Variants in LHFPL3 observed in about 807,000 individuals in gnomAD.
The protein encoded by LHFPL3 is LHFPL tetraspan subfamily member 3 protein.
Under a neutral mutation model 19.3 loss-of-function variants are expected in LHFPL3, and 5 were observed. The ratio of observed to expected loss-of-function variants is 0.26; its 90% CI spans 0.14 to 0.54. The LOEUF (loss-of-function observed/expected upper bound fraction) is 0.54. Ranked by LOEUF, LHFPL3 falls within the 20% of genes least tolerant of loss-of-function variation. The probability of loss-of-function intolerance (pLI) is 0.94; values close to 1 mark genes in which losing one functional copy is unlikely to be tolerated. For synonymous variants in LHFPL3, 133 were observed against 126.2 expected (o/e 1.05, Z -0.36); for missense variants, 249 against 307.4 (o/e 0.81, Z 1.42).
chr7:104,899,576 G>A (rs546309638), intron 2 of LHFPL3, among the ~76,000 whole-genome samples: 1 of 152,130 alleles, frequency 6.6e-6, no homozygotes, highest in Admixed American at 6.5e-5. Context: ...AAGCTTAAAG[G>A]AACATGTATG....
chr7:104,371,911 A>G (rs746189542), intron 1 of LHFPL3, among the ~76,000 whole-genome samples: 1 of 152,350 alleles, frequency 6.6e-6, no homozygotes, highest in Non-Finnish European at 1.5e-5. Context: ...TTCACACCAA[A>G]GTCTGGAGCA....
At chr7:104,825,277 G>C in intron 2 of LHFPL3, among the ~76,000 whole-genome samples, 1 of 151,814 alleles carries the variant, frequency 6.6e-6, no homozygotes, top group East Asian at 1.9e-4. Flanking sequence ...GATGGACTGA[G>C]GCACATTTGG....
At chr7:104,627,719 T>C (rs573656428) in intron 1 of LHFPL3, among the ~76,000 whole-genome samples, 6 of 152,270 alleles carry the variant, frequency 3.9e-5, no homozygotes, top group African/African-American at 1.4e-4. Flanking sequence ...TATAACAAAT[T>C]AGTAGAGGTT....
chr7:104,506,747 G>A (rs1445976380), intron 1 of LHFPL3, among the ~76,000 whole-genome samples: 1 of 152,174 alleles, frequency 6.6e-6, no homozygotes, highest in Non-Finnish European at 1.5e-5. Context: ...ACGCAAGGAA[G>A]GTAAAATTTT....
At chr7:104,535,595 A>AAT (rs1277000629) in intron 1 of LHFPL3, among the ~76,000 whole-genome samples, 1 of 152,214 alleles carries the variant, frequency 6.6e-6, no homozygotes, top group African/African-American at 2.4e-5. Context: ...TTATCCCAGC[A>AAT]ATATTGAAAG....
intron 1 of LHFPL3, among the ~76,000 whole-genome samples, chr7:104,400,779 C>G (rs1309910922): frequency 6.6e-6 from 1 of 152,106 alleles, no homozygotes; most frequent in African/African-American, 2.4e-5. Context: ...ATATTTTCAC[C>G]CCAATTGTTA....
chr7:104,890,082 T>A (rs1792215998), intron 2 of LHFPL3, among the ~76,000 whole-genome samples: 1 of 152,158 alleles, frequency 6.6e-6, no homozygotes, highest in Non-Finnish European at 1.5e-5. Flanking sequence ...GAGGATTACT[T>A]GAGGCCAGGA....
intron 1 of LHFPL3, among the ~76,000 whole-genome samples, chr7:104,608,490 C>T (rs1269766490): frequency 1.8e-4 from 18 of 97,298 alleles, no homozygotes; most frequent in South Asian, 3.7e-4. Flanking sequence ...ACTCCGGGGA[C>T]TGTTGTGGGG....
At chr7:104,693,134 G>C (rs77140273) in intron 1 of LHFPL3, among the ~76,000 whole-genome samples, 6,082 of 152,266 alleles carry the variant, frequency 0.04, 182 homozygotes, top group Middle Eastern at 0.068. Flanking sequence ...TTTGCATGGG[G>C]ACTGTAGCCC....
At chr7:104,825,112 A>G (rs1790792162) in intron 2 of LHFPL3, among the ~76,000 whole-genome samples, 1 of 150,906 alleles carries the variant, frequency 6.6e-6, no homozygotes, top group Non-Finnish European at 1.5e-5. Context: ...AGGACCATAT[A>G]AGATCTAACA....
intron 1 of LHFPL3, among the ~76,000 whole-genome samples, chr7:104,467,482 A>G (rs1017219026): frequency 2.0e-5 from 3 of 152,230 alleles, no homozygotes; most frequent in Admixed American, 2.0e-4. Flanking sequence ...TGTGCACTGT[A>G]AAGTTTTGTG....
chr7:104,503,572 ATTTTCT>A (rs1000620597), intron 1 of LHFPL3, among the ~76,000 whole-genome samples: 1 of 151,896 alleles, frequency 6.6e-6, no homozygotes, highest in African/African-American at 2.4e-5. Flanking sequence ...TAATTTTAAT[ATTTTCT>A]TTTTCTTTTG....
intron 1 of LHFPL3, among the ~76,000 whole-genome samples, chr7:104,506,671 C>T (rs1306484003): frequency 6.6e-6 from 1 of 152,192 alleles, no homozygotes; most frequent in Non-Finnish European, 1.5e-5. Flanking sequence ...GCTCTTGGAT[C>T]TTCTGTGATT....
intron 2 of LHFPL3, among the ~76,000 whole-genome samples, chr7:104,815,372 G>A (rs1208828368): frequency 6.6e-6 from 1 of 152,196 alleles, no homozygotes. Context: ...GGGACATGTG[G>A]GGTTTCCAGG....
At chr7:104,862,872 A>G (rs1410690864) in intron 2 of LHFPL3, among the ~76,000 whole-genome samples, 1 of 152,212 alleles carries the variant, frequency 6.6e-6, no homozygotes, top group Non-Finnish European at 1.5e-5. Context: ...GCCGAGTCGG[A>G]GCTGGAAGAA....
chr7:104,345,828 T>C (rs989551436), intron 1 of LHFPL3, among the ~76,000 whole-genome samples: 11 of 152,156 alleles, frequency 7.2e-5, no homozygotes, highest in Non-Finnish European at 1.5e-5. Context: ...GCAATTGCTA[T>C]TGTACTAGTA....
intron 1 of LHFPL3, among the ~76,000 whole-genome samples, chr7:104,541,209 G>A (rs1182127163): frequency 6.6e-6 from 1 of 151,858 alleles, no homozygotes; most frequent in Non-Finnish European, 1.5e-5. Context: ...AAGGCTGAAT[G>A]AGGTGTCCTT....
chr7:104,872,677 G>A (rs951383888), intron 2 of LHFPL3, among the ~76,000 whole-genome samples: 1 of 151,972 alleles, frequency 6.6e-6, no homozygotes, highest in African/African-American at 2.4e-5. Context: ...ACAGGGACAG[G>A]AACATCAATA....
intron 1 of LHFPL3, among the ~76,000 whole-genome samples, chr7:104,391,379 A>G (rs1483866917): frequency 6.6e-6 from 1 of 152,096 alleles, no homozygotes; most frequent in African/African-American, 2.4e-5. Context: ...TAAGGAAGGG[A>G]TCCAGTTTCA....
Sources: gnomAD v4.1 joint callset for allele counts (sites outside exome capture counted in the v4.1 genomes callset) on GRCh38, gnomAD v4.1.1 for gene constraint, MANE v1.5 for transcripts, NCBI Gene and HGNC (gene_info 2026-07-23, HGNC 2026-07-21) for gene names.